Variants in NTM observed in about 807,000 individuals in gnomAD.
NTM encodes the protein neurotrimin, also known as IgLON family member 2.
A neutral mutation model predicts 42.1 loss-of-function variants in NTM; 13 were observed. That is an observed-to-expected ratio of 0.31 (90% CI 0.20 to 0.49). The LOEUF (loss-of-function observed/expected upper bound fraction) is 0.49, where lower values mean the gene tolerates loss of function less well. NTM is among the 20% of genes least tolerant of loss of function. NTM has a pLI of 0.99. For synonymous variants in NTM, 187 were observed against 179.2 expected (o/e 1.04, Z -0.35); for missense variants, 373 against 452.8 (o/e 0.82, Z 1.60).
intron 3 of NTM, among the ~76,000 whole-genome samples, chr11:132,191,896 A>G (rs553144055): frequency 6.6e-6 from 1 of 152,350 alleles, no homozygotes; most frequent in African/African-American, 2.4e-5. Flanking sequence ...TAACAACAGA[A>G]TAGATCAAGC....
rs766852219 is a variant in NTM at position 131,982,667 on chromosome 11, TAAAC to T, written c.167+71021_167+71024del. 3.9e-5 allele frequency among the ~76,000 whole-genome samples: 6 copies of T among 152,334 alleles called. No individual in the cohort carries two copies. The East Asian group carries it at 9.7e-4, about 25-fold the overall frequency. On this transcript the variant is annotated intron_variant, in intron 2 of 8. Transcript: ENST00000683400. ...TAAAGGGAAAAATTATTGTAATTCTTAAACAGACAACTTTAAAAAGCAGTGATTT... is the reference window on the plus strand; with the variant it reads ...TAAAGGGAAAAATTATTGTAATTCTTAGACAACTTTAAAAAGCAGTGATTT...
intron 1 of NTM, among the ~76,000 whole-genome samples, chr11:131,580,899 G>A (rs959731619): frequency 1.5e-4 from 23 of 152,130 alleles, no homozygotes; most frequent in African/African-American, 4.6e-4. Context: ...AGGGGAAGTC[G>A]CAAAAGTTCT....
chr11:131,455,343 A>G (rs1950795965), intron 1 of NTM: 1 of 152,166 alleles, frequency 6.6e-6, no homozygotes, highest in Non-Finnish European at 1.5e-5. Context: ...CTGCAGCCCC[A>G]CCTCCGCACG....
In NTM at chr11:132,314,521, TTTC is replaced by T. The variant is rs760010656; in HGVS notation, c.783-25_783-23del. The T allele has an allele frequency of 7.5e-6, 12 of 1,592,338 alleles. No homozygotes were observed. In the African/African-American group the frequency reaches 8.1e-5, roughly 11 times the overall value. On this transcript the variant is annotated intron_variant, in intron 6 of 8. Coordinates refer to ENST00000683400, the MANE Select transcript of NTM (RefSeq NM_001352005.2). ...CTATGAGGACACATAACCATCTTGT[TTTC>T]TTCTTTTTTGTCTTTTGTTTCTCTC... is the stretch of plus-strand genomic sequence containing the variant.
At chr11:132,121,586 T>C in intron 2 of NTM, among the ~76,000 whole-genome samples, 1 of 152,188 alleles carries the variant, frequency 6.6e-6, no homozygotes, top group Admixed American at 6.5e-5. Context: ...CCCTTTGACC[T>C]AAGAAATCCT....
At chr11:132,124,143 A>T (rs190022633) in intron 2 of NTM, among the ~76,000 whole-genome samples, 2,010 of 152,174 alleles carry the variant, frequency 0.013, 25 homozygotes, top group Non-Finnish European at 0.02. Context: ...TGATCAATAA[A>T]CGTTAGTCAG....
In NTM at chr11:131,805,853, G is replaced by A. The variant is rs578231950; in HGVS notation, c.83-105711G>A. ...TTTATTAAATTTAACGGAGCAAACAGATTTAGAAAGCTTTATGCTTTAAAA... is the reference window on the plus strand; with the variant it reads ...TTTATTAAATTTAACGGAGCAAACAAATTTAGAAAGCTTTATGCTTTAAAA... On this transcript the variant is annotated intron_variant, in intron 1 of 8. Transcript: ENST00000683400. Among the ~76,000 whole-genome samples, 43 of 152,194 alleles carry A rather than the reference G, an allele frequency of 2.8e-4. 1 individual carries two copies. Among genetic ancestry groups the A allele is most frequent in the Admixed American group, 1.7e-3 (26 of 15,292 alleles).
At chr11:132,255,771 G>A (rs2092419426) in intron 4 of NTM, among the ~76,000 whole-genome samples, 1 of 152,062 alleles carries the variant, frequency 6.6e-6, no homozygotes, top group South Asian at 2.1e-4. Flanking sequence ...TTTCCATGCA[G>A]CTCTGCCTTC....
chr11:131,560,379 T>C (rs2136992747), intron 1 of NTM, among the ~76,000 whole-genome samples: 1 of 152,280 alleles, frequency 6.6e-6, no homozygotes, highest in East Asian at 1.9e-4. Flanking sequence ...CTATACAAGG[T>C]CGTAGCCAGA....
chr11:131,678,600 G>C (rs1217215694), intron 1 of NTM, among the ~76,000 whole-genome samples: 1 of 152,240 alleles, frequency 6.6e-6, no homozygotes, highest in Non-Finnish European at 1.5e-5. Flanking sequence ...ACATTCTACT[G>C]CCCAATGCTG....
intron 1 of NTM, among the ~76,000 whole-genome samples, chr11:131,745,057 C>A (rs566976998): frequency 6.6e-6 from 1 of 152,286 alleles, no homozygotes; most frequent in East Asian, 1.9e-4. Context: ...GATGTCAGTC[C>A]TAAAACAAAC....
intron 1 of NTM, among the ~76,000 whole-genome samples, chr11:131,657,198 T>C (rs766611217): frequency 6.8e-6 from 1 of 147,162 alleles, no homozygotes; most frequent in Non-Finnish European, 1.5e-5. Flanking sequence ...GACCCTTGAG[T>C]GGAGGCCCAG....
chr11:131,726,680 C>T (rs789545), intron 1 of NTM, among the ~76,000 whole-genome samples: 21,170 of 151,170 alleles, frequency 0.14, 1,932 homozygotes, highest in Middle Eastern at 0.22. Context: ...AGGCTCATTA[C>T]GTTTCCAAGA....
chr11:131,533,523 A>G (rs565929147), intron 1 of NTM, among the ~76,000 whole-genome samples: 32 of 152,352 alleles, frequency 2.1e-4, no homozygotes, highest in African/African-American at 7.2e-4. Context: ...CAGGAAAAGC[A>G]AAGTAGCTGC....
chr11:132,215,311 G>A (rs983429976), intron 4 of NTM, among the ~76,000 whole-genome samples: 2 of 152,186 alleles, frequency 1.3e-5, no homozygotes, highest in Non-Finnish European at 2.9e-5. Context: ...TGACTTCATT[G>A]CATTTTTTCT....
intron 1 of NTM, among the ~76,000 whole-genome samples, chr11:131,695,431 T>C (rs1239579421): frequency 2.0e-5 from 3 of 152,324 alleles, no homozygotes; most frequent in South Asian, 2.1e-4. Context: ...GATTGTCTCA[T>C]TGAATTTTTA....
At chr11:132,134,514 A>G (rs1380182103) in intron 2 of NTM, among the ~76,000 whole-genome samples, 1 of 151,314 alleles carries the variant, frequency 6.6e-6, no homozygotes, top group African/African-American at 2.4e-5. Context: ...AAAACAATGT[A>G]TCATTCTTAT....
At chr11:132,188,564 T>G (rs1185799644) in intron 3 of NTM, among the ~76,000 whole-genome samples, 1 of 152,174 alleles carries the variant, frequency 6.6e-6, no homozygotes, top group African/African-American at 2.4e-5. Context: ...GGGGGTTAGC[T>G]TATTATCTTT....
chr11:131,419,016 G>A (rs77794491), intron 1 of NTM, among the ~76,000 whole-genome samples: 2,698 of 152,166 alleles, frequency 0.018, 85 homozygotes, highest in African/African-American at 0.06. Context: ...AGGGTGAGTC[G>A]AGCAACTCAC....
Sources: gnomAD v4.1 joint callset for allele counts (sites outside exome capture counted in the v4.1 genomes callset) on GRCh38, gnomAD v4.1.1 for gene constraint, MANE v1.5 for transcripts, NCBI Gene and HGNC (gene_info 2026-07-23, HGNC 2026-07-21) for gene names.